SNX29: variants seen among roughly 807,000 people sequenced by gnomAD.
SNX29 encodes sorting nexin-29.
A neutral mutation model predicts 102.1 loss-of-function variants in SNX29; 78 were observed. That is an observed-to-expected ratio of 0.76 (90% CI 0.64 to 0.92). The LOEUF is 0.92. SNX29 is among the 40% of genes least tolerant of loss of function. The pLI, the probability that SNX29 is intolerant of heterozygous loss-of-function variation, is 0.00. For missense variants in SNX29, 1,280 were observed against 1,061.7 expected (o/e 1.21, Z -2.86); for synonymous variants, 580 against 414.5 (o/e 1.40, Z -4.85).
At chr16:12,484,989 G>A (rs907691672) in intron 19 of SNX29, among the ~76,000 whole-genome samples, 2 of 152,132 alleles carry the variant, frequency 1.3e-5, no homozygotes, top group African/African-American at 2.4e-5. Context: ...AGATACTCAC[G>A]GTCTAAATTA....
chr16:12,364,161 T>TTATGTTA (rs1555520016), intron 16 of SNX29, among the ~76,000 whole-genome samples: 2 of 138,384 alleles, frequency 1.4e-5, no homozygotes, highest in Admixed American at 1.5e-4. Flanking sequence ...CCTGGCTTGT[T>TTATGTTA]TGTTATGTTA....
chr16:12,511,762 C>G (rs1347116847), intron 19 of SNX29, among the ~76,000 whole-genome samples: 1 of 152,102 alleles, frequency 6.6e-6, no homozygotes. Context: ...GGGCTATGAT[C>G]TGTCATCCCC....
At chr16:12,367,983 G>A (rs1373024944) in intron 16 of SNX29, among the ~76,000 whole-genome samples, 1 of 152,186 alleles carries the variant, frequency 6.6e-6, no homozygotes, top group African/African-American at 2.4e-5. Flanking sequence ...CATCTCTTTG[G>A]GCCTAGCTGT....
At chr16:12,287,409 T>G (rs2079634982) in intron 15 of SNX29, among the ~76,000 whole-genome samples, 1 of 152,096 alleles carries the variant, frequency 6.6e-6, no homozygotes. Context: ...TGGTAAAAAG[T>G]AGGCAAAAGA....
At chr16:12,231,531 T>TA (rs2077768337) in intron 14 of SNX29, among the ~76,000 whole-genome samples, 1 of 126,262 alleles carries the variant, frequency 7.9e-6, no homozygotes, top group African/African-American at 2.7e-5. Context: ...TTGGGCCTTT[T>TA]TAAAAAAAAA....
rs1452991203 is a variant in SNX29, at chr16:12,098,349, C to G, written c.1402+19434C>G. Among the ~76,000 whole-genome samples, 1 of 152,220 alleles carries G rather than the reference C, an allele frequency of 6.6e-6. No homozygotes were observed. The highest frequency in any genetic ancestry group is 2.4e-5 in the African/African-American group (1 of 41,466). ...AAGGATTTCTCTTCCACTCCCACAT[C>G]AGCCACCTTGCTCCCCGTCCAGGAC... On this transcript the variant is annotated intron_variant, in intron 11 of 20. Transcript: ENST00000566228. The surrounding 1 kb of genome is among the most constrained non-coding windows in gnomAD (Gnocchi z 6.0).
intron 8 of SNX29, among the ~76,000 whole-genome samples, chr16:12,058,488 GTTTTTGGTTTT>G (rs1185681230): frequency 3.8e-5 from 1 of 26,216 alleles, no homozygotes; most frequent in South Asian, 5.2e-4. Flanking sequence ...TTTTTTTTTG[GTTTTTGGTTTT>G]TTTTTTTTTT....
chr16:12,470,399 A>C (rs2087278660), intron 18 of SNX29, among the ~76,000 whole-genome samples: 1 of 152,266 alleles, frequency 6.6e-6, no homozygotes, highest in East Asian at 1.9e-4. Context: ...GGGGTTTGTA[A>C]CATCCATCAA....
At chr16:12,288,022 CA>C (rs900949663) in intron 15 of SNX29, among the ~76,000 whole-genome samples, 17 of 151,892 alleles carry the variant, frequency 1.1e-4, no homozygotes, top group African/African-American at 3.9e-4. Context: ...CCTGTAATTA[CA>C]AAAAAAAATT....
In SNX29 at chr16:12,544,699, C is replaced by T. The variant is rs367994822; in HGVS notation, c.2318+19858C>T. On this transcript the variant is annotated intron_variant, in intron 20 of 20. Transcript: ENST00000566228. The stretch of plus-strand genomic sequence containing the variant: ...GAGCGCTGTCACTCGAATTCTCTTC[C>T]TCCACCATCCCTTTAATAGGAGGGG... 2.0e-5 allele frequency among the ~76,000 whole-genome samples: 3 copies of T among 152,318 alleles called. No individual in the cohort carries two copies. In the East Asian group the frequency reaches 5.8e-4, roughly 29 times the overall value.
intron 18 of SNX29, among the ~76,000 whole-genome samples, chr16:12,438,194 C>T (rs1432060353): frequency 1.3e-5 from 2 of 152,148 alleles, no homozygotes; most frequent in African/African-American, 4.8e-5. Flanking sequence ...CTACTTGATG[C>T]ATCAGGTGAC....
intron 18 of SNX29, among the ~76,000 whole-genome samples, chr16:12,467,608 G>A (rs192181644): frequency 1.4e-5 from 2 of 141,316 alleles, no homozygotes; most frequent in African/African-American, 3.0e-5. Context: ...TCGTTTGTTC[G>A]TTTGTTCGTT....
chr16:12,524,610 A>G, intron 19 of SNX29, 92 bp from the exon 20 acceptor site: 9 of 1,447,994 alleles, frequency 6.2e-6, no homozygotes, highest in Non-Finnish European at 7.4e-6. Flanking sequence ...GGTTGCCTGG[A>G]TGGCGCTGAT....
At chr16:12,407,945 A>G (rs1247858091) in intron 18 of SNX29, among the ~76,000 whole-genome samples, 4 of 152,134 alleles carry the variant, frequency 2.6e-5, no homozygotes, top group Non-Finnish European at 5.9e-5. Context: ...GCATCTGTGA[A>G]TAGCCCCTGT....
At chr16:12,241,805 A>G (rs559652156) in intron 14 of SNX29, among the ~76,000 whole-genome samples, 8 of 152,166 alleles carry the variant, frequency 5.3e-5, no homozygotes, top group Non-Finnish European at 1.0e-4. Flanking sequence ...TCTCAACACT[A>G]GTTTCATCCA....
chr16:12,257,542 T>C (rs1010331140), intron 14 of SNX29, among the ~76,000 whole-genome samples: 2 of 152,188 alleles, frequency 1.3e-5, no homozygotes, highest in Non-Finnish European at 2.9e-5. Flanking sequence ...AGGGTCTTGC[T>C]CTGCCATCCA....
chr16:12,487,034 G>T (rs964157135), intron 19 of SNX29, among the ~76,000 whole-genome samples: 1 of 152,064 alleles, frequency 6.6e-6, no homozygotes, highest in African/African-American at 2.4e-5. Context: ...GTGTGGCCTC[G>T]GGCACGTTAT....
chr16:12,284,993 T>C (rs1421732727), intron 15 of SNX29, among the ~76,000 whole-genome samples: 1 of 152,240 alleles, frequency 6.6e-6, no homozygotes, highest in Non-Finnish European at 1.5e-5. Flanking sequence ...CCCAAAGTGA[T>C]GGGACGGATT....
chr16:12,208,165 C>T (rs1418187474), intron 14 of SNX29, among the ~76,000 whole-genome samples: 1 of 152,200 alleles, frequency 6.6e-6, no homozygotes, highest in Non-Finnish European at 1.5e-5. Flanking sequence ...CCACTCTGCT[C>T]ACATTCCATG....
Sources: allele counts gnomAD v4.1 joint callset (sites outside exome capture counted in the v4.1 genomes callset), GRCh38; gene constraint gnomAD v4.1.1; non-coding constraint Gnocchi (gnomAD v3.1); transcripts MANE v1.5; gene names NCBI Gene and HGNC (gene_info 2026-07-23, HGNC 2026-07-21).